The following CDK6 variants were observed in gnomAD, a reference collection of about 807,000 sequenced individuals.
CDK6 encodes cyclin-dependent kinase 6.
Under a neutral mutation model 37.1 loss-of-function variants are expected in CDK6, and 6 were observed. The observed-to-expected ratio is 0.16, with a 90% CI of 0.09 to 0.32. CDK6 has a LOEUF of 0.32. Among genes scored for constraint, CDK6 ranks in the 10% least tolerant of loss-of-function variants. CDK6 has a pLI of 1.00. For synonymous variants in CDK6, 160 were observed against 161.3 expected (o/e 0.99, Z 0.06); for missense variants, 224 against 418.9 (o/e 0.53, Z 4.06).
chr7:92,772,533 C>CAA (rs112275011), intron 3 of CDK6, among the ~76,000 whole-genome samples: 3 of 128,132 alleles, frequency 2.3e-5, no homozygotes, highest in Admixed American at 7.9e-5. Context: ...ACAAAAAGCT[C>CAA]AAAAAAAAAA....
Position 92,672,779 on chromosome 7 carries a change from GTCTA to G in CDK6, c.538-1248_538-1245del, listed in dbSNP as rs1797120884. Reference sequence around the variant, plus strand: ...TTTGTCTAGTTGTATTATTATGGATGTCTATCTAAATTTTCTAAAATTCTGCTTT... The same window carrying G: ...TTTGTCTAGTTGTATTATTATGGATGTCTAAATTTTCTAAAATTCTGCTTT... On this transcript the variant is annotated intron_variant, in intron 4 of 7. Transcript: ENST00000424848. Among the ~76,000 whole-genome samples, 4 of 152,136 alleles carry G rather than the reference GTCTA, an allele frequency of 2.6e-5. No individual in the cohort carries two copies. The South Asian group carries it at 6.2e-4, about 24-fold the overall frequency.
chr7:92,735,594 C>T (rs553171724), intron 3 of CDK6, among the ~76,000 whole-genome samples: 6 of 152,288 alleles, frequency 3.9e-5, no homozygotes, highest in African/African-American at 1.2e-4. Flanking sequence ...CTGCCAAGCG[C>T]TATCCAGCTA....
chr7:92,629,087 A>T (rs1247197529), intron 5 of CDK6, among the ~76,000 whole-genome samples: 1 of 152,058 alleles, frequency 6.6e-6, no homozygotes. Context: ...GAAAAAAACA[A>T]TTTAAAGCCC....
chr7:92,657,880 G>A (rs1453229455), intron 5 of CDK6, among the ~76,000 whole-genome samples: 2 of 152,048 alleles, frequency 1.3e-5, no homozygotes, highest in Non-Finnish European at 2.9e-5. Context: ...ATGCCCAGAT[G>A]ATTTTTTTAA....
At chr7:92,823,899 T>C (rs986843527) in intron 2 of CDK6, among the ~76,000 whole-genome samples, 7 of 152,072 alleles carry the variant, frequency 4.6e-5, no homozygotes, top group Admixed American at 1.3e-4. Context: ...ACTTCTAGGC[T>C]CAAGCAATCT....
chr7:92,774,911 T>C, intron 2 of CDK6, 80 bp from the exon 3 acceptor site: 23 of 1,385,572 alleles, frequency 1.7e-5, no homozygotes, highest in Non-Finnish European at 2.0e-5. Context: ...ATCGCTCAAT[T>C]TGGTCTCATA....
In CDK6 at chr7:92,659,635, C is replaced by CA. The variant is rs1481618058; in HGVS notation, c.647+11790_647+11791insT. Among the ~76,000 whole-genome samples the CA allele has an allele frequency of 9.1e-3, 1,347 of 147,426 alleles. 16 individuals carry two copies. The highest frequency in any genetic ancestry group is 0.028 in the African/African-American group (1,118 of 39,676). On this transcript the variant is annotated intron_variant, in intron 5 of 7. Transcript: ENST00000424848. ...ACACACACACACACACACACACACA[C>CA]CACACACACACACACTTTTGAATTC...
intron 4 of CDK6, among the ~76,000 whole-genome samples, chr7:92,707,635 T>A (rs1015629284): frequency 2.0e-5 from 3 of 152,214 alleles, no homozygotes; most frequent in Non-Finnish European, 2.9e-5. Flanking sequence ...CTTATTCTCT[T>A]GGAAGGGTGT....
At chr7:92,786,982 G>A (rs1584089746) in intron 2 of CDK6, among the ~76,000 whole-genome samples, 1 of 151,678 alleles carries the variant, frequency 6.6e-6, no homozygotes, top group Non-Finnish European at 1.5e-5. Context: ...TCAGGAGTTC[G>A]AGATCAGCCT....
intron 2 of CDK6, among the ~76,000 whole-genome samples, chr7:92,832,394 G>T (rs1801511178): frequency 6.6e-6 from 1 of 152,140 alleles, no homozygotes; most frequent in Non-Finnish European, 1.5e-5. Context: ...ACCCTTTGGA[G>T]AATTAGTCTA....
chr7:92,622,132 C>T (rs568925102), intron 6 of CDK6, among the ~76,000 whole-genome samples: 1 of 151,864 alleles, frequency 6.6e-6, no homozygotes, highest in African/African-American at 2.4e-5. Context: ...TTTCCTACTC[C>T]ACTCCAATTT....
intron 2 of CDK6, among the ~76,000 whole-genome samples, chr7:92,828,734 G>A (rs1345106201): frequency 6.6e-6 from 1 of 152,026 alleles, no homozygotes; most frequent in Non-Finnish European, 1.5e-5. Flanking sequence ...ATTCCATAGA[G>A]AGATTCTAAT....
At chr7:92,814,555 C>CAAAA (rs201939605) in intron 2 of CDK6, among the ~76,000 whole-genome samples, 7 of 70,020 alleles carry the variant, frequency 1.0e-4, no homozygotes, top group East Asian at 5.2e-4. Flanking sequence ...AACTGAATTG[C>CAAAA]AAAAAAAAAA....
chr7:92,767,575 CA>C (rs1436785556), intron 3 of CDK6, among the ~76,000 whole-genome samples: 4 of 152,172 alleles, frequency 2.6e-5, no homozygotes, highest in South Asian at 4.1e-4. Flanking sequence ...GGAATATACT[CA>C]GTATTGACTC....
intron 4 of CDK6, among the ~76,000 whole-genome samples, chr7:92,699,177 A>G (rs1797788230): frequency 6.6e-6 from 1 of 152,214 alleles, no homozygotes; most frequent in Non-Finnish European, 1.5e-5. Context: ...TTTAACTAAT[A>G]ACTTAGTTCA....
intron 5 of CDK6, among the ~76,000 whole-genome samples, chr7:92,648,311 C>A (rs1167460931): frequency 6.6e-6 from 1 of 152,088 alleles, no homozygotes; most frequent in Admixed American, 6.5e-5. Context: ...TGTTAACCTG[C>A]AAATAGGGGA....
chr7:92,744,191 G>C (rs1799000811), intron 3 of CDK6, among the ~76,000 whole-genome samples: 1 of 152,162 alleles, frequency 6.6e-6, no homozygotes, highest in Admixed American at 6.6e-5. Context: ...AGACGTATCA[G>C]AGACTGGGTA....
chr7:92,806,495 T>C (rs1033437448), intron 2 of CDK6, among the ~76,000 whole-genome samples: 2 of 152,162 alleles, frequency 1.3e-5, no homozygotes, highest in African/African-American at 4.8e-5. Flanking sequence ...CGTGTCCACA[T>C]GCAAAGAGGC....
At chr7:92,819,860 A>G (rs991650480) in intron 2 of CDK6, among the ~76,000 whole-genome samples, 3 of 152,072 alleles carry the variant, frequency 2.0e-5, no homozygotes, top group Non-Finnish European at 4.4e-5. Flanking sequence ...CAAAAACCAG[A>G]GAAAAGAGAT....
Sources: gnomAD v4.1 joint callset for allele counts (sites outside exome capture counted in the v4.1 genomes callset) on GRCh38, gnomAD v4.1.1 for gene constraint, MANE v1.5 for transcripts, NCBI Gene and HGNC (gene_info 2026-07-23, HGNC 2026-07-21) for gene names.